The following RYR3 variants were observed in gnomAD, a reference collection of about 807,000 sequenced individuals.
RYR3 encodes the protein ryanodine receptor 3.
RYR3 carries 207 observed loss-of-function variants against 584.3 expected under a neutral mutation model. That is an observed-to-expected ratio of 0.35 (90% CI 0.32 to 0.40). The LOEUF is 0.40. Ranked by LOEUF, RYR3 falls within the 10% of genes least tolerant of loss-of-function variation. The pLI is 1.00. For synonymous variants in RYR3, 2,416 were observed against 2,248.5 expected (o/e 1.07, Z -2.11); for missense variants, 5,616 against 6,089.2 (o/e 0.92, Z 2.59).
chr15:33,318,984 G>A (rs1268444765), intron 1 of RYR3, among the ~76,000 whole-genome samples: 1 of 152,096 alleles, frequency 6.6e-6, no homozygotes, highest in Non-Finnish European at 1.5e-5. Context: ...AGCAAAAAAG[G>A]GAAAGTGCTA....
At chr15:33,779,592 A>G (rs1007775076) in intron 64 of RYR3, among the ~76,000 whole-genome samples, 9 of 152,330 alleles carry the variant, frequency 5.9e-5, no homozygotes, top group Middle Eastern at 3.4e-3. Context: ...ATTTCAAAGC[A>G]TTTTTGAGAA....
intron 63 of RYR3, 105 bp downstream of exon 63, chr15:33,772,263 A>G: frequency 1.6e-6 from 1 of 644,200 alleles, no homozygotes; most frequent in East Asian, 2.7e-5. Flanking sequence ...GCAGAGAGAG[A>G]ATTATTCCAT....
intron 70 of RYR3, 124 bp from the exon 71 acceptor site, chr15:33,810,355 G>T: frequency 1.2e-6 from 1 of 834,426 alleles, no homozygotes; most frequent in Non-Finnish European, 1.9e-6. Flanking sequence ...ACTGTCCTTT[G>T]AAGTGTAGTA....
intron 10 of RYR3, among the ~76,000 whole-genome samples, chr15:33,556,826 C>G (rs1276196019): frequency 6.6e-6 from 1 of 152,120 alleles, no homozygotes; most frequent in Admixed American, 6.5e-5. Flanking sequence ...TTGTATAAAA[C>G]CATCCCTAAC....
rs1048625728 is a variant in RYR3 at position 33,865,369 on chromosome 15, ATTTTGAAAT to A, written c.*145_*153del. The stretch of plus-strand genomic sequence containing the variant: ...AAAAAAACTGCTGAAAATCTGTGCT[ATTTTGAAAT>A]TGATTTGGCTTTTTGTGCCTAATGG... On this transcript the variant is annotated 3_prime_UTR_variant, in exon 104 of 104. Coordinates refer to ENST00000634891, the MANE Select transcript of RYR3 (RefSeq NM_001036.6). The A allele has an allele frequency of 6.3e-6, 4 of 639,294 alleles. No homozygotes were observed. Among genetic ancestry groups the A allele is most frequent in the Non-Finnish European group, 1.1e-5 (4 of 372,430 alleles). The allele number at this position is 639,294 out of a possible 1,614,324, so 39.6% of individuals were successfully genotyped here.
chr15:33,590,867 C>T (rs910516993), intron 16 of RYR3, among the ~76,000 whole-genome samples: 6 of 152,088 alleles, frequency 3.9e-5, no homozygotes, highest in East Asian at 1.9e-4. Flanking sequence ...ATTGAGACTA[C>T]ATATAATGGT....
chr15:33,674,912 G>GA (rs10580400), intron 38 of RYR3, among the ~76,000 whole-genome samples: 2,746 of 137,344 alleles, frequency 0.02, 37 homozygotes, highest in Middle Eastern at 0.044. Context: ...GGTCAGAATG[G>GA]AAAAAAAAAA....
intron 94 of RYR3, 44 bp downstream of exon 94, chr15:33,848,465 T>C: frequency 1.9e-6 from 3 of 1,569,922 alleles, no homozygotes; most frequent in Non-Finnish European, 2.6e-6. Context: ...ATGGAGTCTC[T>C]ACTGTAAATA....
At chr15:33,752,979 G>C (rs1308651785) in intron 57 of RYR3, among the ~76,000 whole-genome samples, 1 of 152,122 alleles carries the variant, frequency 6.6e-6, no homozygotes, top group South Asian at 2.1e-4. Context: ...TTAGCATGAA[G>C]GATGTTAAAT....
At position 33,479,429 on chromosome 15, in the gene RYR3, A is replaced by T. The variant is rs2049751297; in HGVS notation, c.171+5891A>T. On this transcript the variant is annotated intron_variant, in intron 2 of 103. Transcript: ENST00000634891. ...AAGACCAGGCTATTATAAAACTTTA[A>T]AAAAAAAAAACTCCCTTATCATGTA... Among the ~76,000 whole-genome samples, 4 of 42,426 alleles carry T rather than the reference A, an allele frequency of 9.4e-5. No homozygotes were observed. The South Asian group carries it at 3.0e-3, about 32-fold the overall frequency. 27.8% of individuals were successfully genotyped at this position (42,426 alleles called of 152,430 possible).
In RYR3 at chr15:33,722,765, C is replaced by T. The variant is rs1188037949; in HGVS notation, c.6670C>T (p.Arg2224Cys). Residue 2224 changes from arginine to cysteine, a missense_variant, in exon 44 of 104, where the codon CGC becomes TGC. Arg to Cys is a radical substitution (Grantham distance 180, BLOSUM62 -3). Coordinates refer to ENST00000634891, the MANE Select transcript of RYR3 (RefSeq NM_001036.6). ...CGTTGTGGTCAAGCTGCTCATCAGA[C>T]GCCCAGAGTGCTTCGGCCCGGCCCT... Reference protein sequence around the residue: ...ASVVVKLLIRRPECFGPALRG... With the variant: ...ASVVVKLLIRCPECFGPALRG... 26 of 1,613,152 alleles carry T rather than the reference C, an allele frequency of 1.6e-5. No homozygotes were observed. Among genetic ancestry groups the T allele is most frequent in the East Asian group, 2.2e-5 (1 of 44,872 alleles).
Position 33,659,752 on chromosome 15 carries a change from C to T in RYR3, c.4341C>T (p.Val1447=), listed in dbSNP as rs758274005. ...VEPNTKVFPA[V]FLQPTSTSLF... is the part of the protein sequence containing the mutation. The stretch of plus-strand genomic sequence containing the variant: ...CTAATACCAAAGTGTTTCCAGCAGT[C>T]TTCCTGCAGCCTACAAGTACTTCTT... The change falls in exon 33 of 104, where the codon GTC becomes GTT. Residue 1447 remains valine, a synonymous_variant. Transcript: ENST00000634891. 1.2e-6 allele frequency: 2 copies of T among 1,613,352 alleles called. No individual in the cohort carries two copies. The highest frequency in any genetic ancestry group is 1.7e-5 in the Admixed American group (1 of 60,026).
At chr15:33,494,196 C>G (rs907441010) in intron 2 of RYR3, among the ~76,000 whole-genome samples, 1 of 152,122 alleles carries the variant, frequency 6.6e-6, no homozygotes, top group Admixed American at 6.5e-5. Context: ...TTCTCTGCTT[C>G]TAGGCAGTGG....
chr15:33,777,719 C>T (rs1372828117), intron 64 of RYR3, among the ~76,000 whole-genome samples: 2 of 151,194 alleles, frequency 1.3e-5, no homozygotes, highest in Non-Finnish European at 2.9e-5. Context: ...GGACTGCCTT[C>T]GTGTCTGACT....
At chr15:33,398,317 C>T (rs908726723) in intron 1 of RYR3, among the ~76,000 whole-genome samples, 15 of 152,144 alleles carry the variant, frequency 9.9e-5, no homozygotes, top group African/African-American at 3.4e-4. Context: ...GGGTATCAGG[C>T]GCACCATTCT....
chr15:33,461,806 T>G (rs2048059753), intron 1 of RYR3, among the ~76,000 whole-genome samples: 1 of 152,214 alleles, frequency 6.6e-6, no homozygotes, highest in Non-Finnish European at 1.5e-5. Context: ...CTGAATTATG[T>G]CACCATTTCT....
Position 33,522,262 on chromosome 15 carries a change from C to CA in RYR3, c.280-8316dup, listed in dbSNP as rs112780185. ...TGGGCAACAGAGCAAGACTCCATCTCAAAAAAAAAAAAAATTCTGTTTCAT... is the reference window on the plus strand; with the variant it reads ...TGGGCAACAGAGCAAGACTCCATCTCAAAAAAAAAAAAAAATTCTGTTTCAT... On this transcript the variant is annotated intron_variant, in intron 3 of 103. Coordinates refer to ENST00000634891, the MANE Select transcript of RYR3 (RefSeq NM_001036.6). Among the ~76,000 whole-genome samples the CA allele has an allele frequency of 3.6e-3, 507 of 141,054 alleles. 2 individuals are homozygous for CA. Among genetic ancestry groups the CA allele is most frequent in the Non-Finnish European group, 4.6e-3 (298 of 64,378 alleles). The allele number at this position is 141,054 out of a possible 152,430, so 92.5% of individuals were successfully genotyped here. A position where few individuals can be genotyped will look rare whatever the true frequency, so the allele number is the denominator to read the frequency against.
chr15:33,503,641 C>A lies in RYR3; in HGVS notation c.182C>A (p.Pro61Gln). ...ATTTTATTTCCACAGTACATTCCTC[C>A]AGATCTCTGCGTCTGCAATTTTGTG... ...EPTSEAKYIP[P>Q]DLCVCNFVLE... Residue 61 changes from proline to glutamine, a missense_variant, in exon 3 of 104, where the codon CCA becomes CAA. Physicochemically the swap from Pro to Gln is moderately conservative, Grantham distance 76. Coordinates refer to ENST00000634891, the MANE Select transcript of RYR3 (RefSeq NM_001036.6). The A allele has an allele frequency of 6.2e-7, 1 of 1,605,496 alleles. No individual in the cohort carries two copies. The highest frequency in any genetic ancestry group is 8.5e-7 in the Non-Finnish European group (1 of 1,173,392).
intron 27 of RYR3, 38 bp from the exon 28 acceptor site, chr15:33,644,273 C>G: frequency 6.5e-7 from 1 of 1,542,574 alleles, no homozygotes; most frequent in South Asian, 1.2e-5. Flanking sequence ...TGGGATGGTG[C>G]CTTCGGGCTA....
Sources: gnomAD v4.1 joint callset for allele counts (sites outside exome capture counted in the v4.1 genomes callset) on GRCh38, gnomAD v4.1.1 for gene constraint, MANE v1.5 for transcripts, NCBI Gene and HGNC (gene_info 2026-07-23, HGNC 2026-07-21) for gene names.